C6orf62: variants seen among roughly 807,000 people sequenced by gnomAD.
C6orf62 encodes the protein chromosome 6 open reading frame 62.
A neutral mutation model predicts 26.8 loss-of-function variants in C6orf62; 16 were observed. The ratio of observed to expected loss-of-function variants is 0.60; its 90% CI spans 0.40 to 0.91. C6orf62 has a LOEUF of 0.91. C6orf62 is among the 40% of genes least tolerant of loss of function. The pLI is 0.00. For synonymous variants in C6orf62, 112 were observed against 91.5 expected, an observed-to-expected ratio of 1.22 and a Z score of -1.28; for missense variants, 192 against 271.4, an observed-to-expected ratio of 0.71 and a Z score of 2.06.
At chr6:24,713,339 A>C (rs1254868791) in intron 3 of C6orf62, among the ~76,000 whole-genome samples, 1 of 152,230 alleles carries the variant, frequency 6.6e-6, no homozygotes, top group Non-Finnish European at 1.5e-5. Flanking sequence ...TAGTTGAATT[A>C]ATCTTAAAAC....
chr6:24,712,274 C>G (rs752618759), intron 3 of C6orf62, among the ~76,000 whole-genome samples: 93 of 152,188 alleles, frequency 6.1e-4, no homozygotes, highest in Non-Finnish European at 9.3e-4. Context: ...CCCAGCTACT[C>G]AAGAGGCTGA....
intron 3 of C6orf62, among the ~76,000 whole-genome samples, chr6:24,712,533 G>A (rs1779141689): frequency 6.6e-6 from 1 of 151,874 alleles, no homozygotes; most frequent in Non-Finnish European, 1.5e-5. Context: ...GCTGGGCGTG[G>A]TGGCATGTCC....
chr6:24,706,035 G>C lies in C6orf62; in HGVS notation c.*102C>G. On this transcript the variant is annotated 3_prime_UTR_variant, in exon 5 of 5. Transcript: ENST00000378119. ...TCAAAATGCATAGTGTTCTGTGCATGAGTCCATTTTCTTTAAACTCTGAAA... is the reference window on the plus strand; with the variant it reads ...TCAAAATGCATAGTGTTCTGTGCATCAGTCCATTTTCTTTAAACTCTGAAA... 6.7e-7 allele frequency: 1 copy of C among 1,490,204 alleles called. No homozygotes were observed. Among genetic ancestry groups the C allele is most frequent in the Non-Finnish European group, 9.0e-7 (1 of 1,110,536 alleles). 92.3% of individuals were successfully genotyped at this position (1,490,204 alleles called of 1,614,324 possible). A position where few individuals can be genotyped will look rare whatever the true frequency, so the allele number is the denominator to read the frequency against.
chr6:24,718,688 T>G lies in C6orf62; in HGVS notation c.-20A>C. ...CCCCATTTTGAAATACAGGTGGTACTAAAGCCTTTGGAAATTGTCACTAAA... is the reference window on the plus strand; with the variant it reads ...CCCCATTTTGAAATACAGGTGGTACGAAAGCCTTTGGAAATTGTCACTAAA... On this transcript the variant is annotated 5_prime_UTR_variant, in exon 1 of 5. Transcript: ENST00000378119. 6.2e-7 allele frequency: 1 copy of G among 1,611,956 alleles called. No homozygotes were observed. The highest frequency in any genetic ancestry group is 8.5e-7 in the Non-Finnish European group (1 of 1,179,576).
chr6:24,712,033 A>T (rs1467514515), intron 3 of C6orf62, among the ~76,000 whole-genome samples: 1 of 152,160 alleles, frequency 6.6e-6, no homozygotes, highest in Admixed American at 6.5e-5. Flanking sequence ...TTTCTGTCTC[A>T]GTTTCTTCCT....
intron 3 of C6orf62, among the ~76,000 whole-genome samples, chr6:24,711,336 G>A (rs1041345515): frequency 6.6e-6 from 1 of 152,098 alleles, no homozygotes; most frequent in Non-Finnish European, 1.5e-5. Context: ...AACAGTCAGG[G>A]GAGGAGCTAA....
Position 24,718,636 on chromosome 6 carries a change from A to C in C6orf62, c.33T>G (p.Ala11=). 1 of 1,613,992 alleles carries C rather than the reference A, an allele frequency of 6.2e-7. No individual in the cohort carries two copies. The highest frequency in any genetic ancestry group is 1.3e-5 in the African/African-American group (1 of 75,044). Residue 11 remains alanine (A), a synonymous_variant, in exon 1 of 5, where the codon GCT becomes GCG. Transcript: ENST00000378119. ...TAAGCTGAGCACGTAGTCTGTTCAG[A>C]GCTTGTTTCTTCCGGGAGTTTGGGT... MGDPNSRKKQ[A]LNRLRAQLRK...
In C6orf62 at chr6:24,706,052, A is replaced by C. The variant is rs1779000548; in HGVS notation, c.*85T>G. On this transcript the variant is annotated 3_prime_UTR_variant, in exon 5 of 5. Transcript: ENST00000378119. ...CTGTGCATGAGTCCATTTTCTTTAA[A>C]CTCTGAAAGAATAAAGTGGTAAGAA... 6.5e-7 allele frequency: 1 copy of C among 1,542,222 alleles called. No homozygotes were observed. The highest frequency in any genetic ancestry group is 2.3e-5 in the East Asian group (1 of 43,476).
At chr6:24,714,568 A>G in intron 2 of C6orf62, 128 bp from the exon 3 acceptor site, 2 of 598,744 alleles carry the variant, frequency 3.3e-6, no homozygotes, top group Non-Finnish European at 5.6e-6. Context: ...ATATCATTTT[A>G]TATCTTAGGA....
At chr6:24,713,235 A>AGTTGAAAAAATCTT (rs1306503534) in intron 3 of C6orf62, among the ~76,000 whole-genome samples, 3 of 152,218 alleles carry the variant, frequency 2.0e-5, no homozygotes, top group Admixed American at 2.0e-4. Flanking sequence ...ATCATGGTAA[A>AGTTGAAAAAATCTT]GTTGAAAAAA....
At chr6:24,719,175 A>T (rs867715113), upstream of C6orf62, 5 of 932,074 alleles carry the variant, frequency 5.4e-6, no homozygotes, top group Non-Finnish European at 6.3e-6. Context: ...AAAAAAAAAA[A>T]CTCACCAAAA....
In C6orf62 at chr6:24,705,920, ATCT is replaced by A. The variant is rs1444356417; in HGVS notation, c.*214_*216del. 17 of 536,860 alleles carry A rather than the reference ATCT, an allele frequency of 3.2e-5. No individual in the cohort carries two copies. The highest frequency in any genetic ancestry group is 3.0e-5 in the Non-Finnish European group (10 of 330,118). 33.3% of individuals were successfully genotyped at this position (536,860 alleles called of 1,614,324 possible). A position where few individuals can be genotyped will look rare whatever the true frequency, so the allele number is the denominator to read the frequency against. ...ATGCAGTGCAGCAAATATGCAAAGCATCTTCTTTCACACAGTCCGTGCACGACA... is the reference window on the plus strand; with the variant it reads ...ATGCAGTGCAGCAAATATGCAAAGCATCTTTCACACAGTCCGTGCACGACA... On this transcript the variant is annotated 3_prime_UTR_variant, in exon 5 of 5. Transcript: ENST00000378119.
At chr6:24,719,965 G>A (rs1241083729), upstream of C6orf62, 4 of 1,546,928 alleles carry the variant, frequency 2.6e-6, no homozygotes, top group Non-Finnish European at 3.5e-6. Context: ...GGAAGGTTCA[G>A]TGGGGGAAAA....
chr6:24,719,688 TG>T (rs1779314913), upstream of C6orf62: 1 of 1,475,848 alleles, frequency 6.8e-7, no homozygotes, highest in Non-Finnish European at 9.0e-7. Flanking sequence ...GACTTCCCTG[TG>T]GATCTGCCCC....
chr6:24,706,352 T>C (rs1434727936), intron 4 of C6orf62, 90 bp from the exon 5 acceptor site: 16 of 1,524,106 alleles, frequency 1.0e-5, no homozygotes, highest in Middle Eastern at 2.1e-4. Flanking sequence ...TTATTAAACA[T>C]CTTAACATAC....
Position 24,718,838 on chromosome 6 carries a change from A to T in C6orf62, c.-170T>A. 6.8e-7 allele frequency: 1 copy of T among 1,468,054 alleles called. No individual in the cohort carries two copies. Among genetic ancestry groups the T allele is most frequent in the Non-Finnish European group, 8.9e-7 (1 of 1,118,920 alleles). 90.9% of individuals were successfully genotyped at this position (1,468,054 alleles called of 1,614,324 possible). On this transcript the variant is annotated 5_prime_UTR_variant, in exon 1 of 5. Transcript: ENST00000378119. ...AACTGCACCTTCTGTCAATATTAGCAGACTGTCATATTACAGGGTCAAGAA... is the reference window on the plus strand; with the variant it reads ...AACTGCACCTTCTGTCAATATTAGCTGACTGTCATATTACAGGGTCAAGAA...
At chr6:24,716,514 A>T (rs1779233606) in intron 1 of C6orf62, among the ~76,000 whole-genome samples, 190 bp from the exon 2 acceptor site, 1 of 152,158 alleles carries the variant, frequency 6.6e-6, no homozygotes, top group African/African-American at 2.4e-5. Flanking sequence ...CCAACCATAC[A>T]TGTACAAACT....
At chr6:24,720,371 C>T (rs1042708287), upstream of C6orf62, 2 of 1,207,026 alleles carry the variant, frequency 1.7e-6, no homozygotes, top group Non-Finnish European at 1.0e-6. Flanking sequence ...CCTCCATCCC[C>T]GCTGCAGTGC....
intron 3 of C6orf62, among the ~76,000 whole-genome samples, chr6:24,713,624 T>C (rs1190539406): frequency 6.6e-6 from 1 of 152,162 alleles, no homozygotes; most frequent in African/African-American, 2.4e-5. Context: ...ATCTATGCCA[T>C]AAATTATAAA....
Sources: allele counts gnomAD v4.1 joint callset (sites outside exome capture counted in the v4.1 genomes callset), GRCh38; gene constraint gnomAD v4.1.1; transcripts MANE v1.5; gene names NCBI Gene and HGNC (gene_info 2026-07-23, HGNC 2026-07-21).